PTGIS: variants seen among roughly 807,000 people sequenced by gnomAD.
PTGIS encodes prostacyclin synthase.
Under a neutral mutation model 50.3 loss-of-function variants are expected in PTGIS, and 45 were observed. The ratio of observed to expected loss-of-function variants is 0.90; its 90% CI spans 0.70 to 1.15. The LOEUF is 1.15. Ranked by LOEUF, PTGIS falls within the 50% of genes most tolerant of loss-of-function variation. The probability of loss-of-function intolerance (pLI) is 0.00; values close to 1 mark genes in which losing one functional copy is unlikely to be tolerated. For missense variants in PTGIS, 668 were observed against 661.3 expected (o/e 1.01, Z -0.11); for synonymous variants, 260 against 267.7 (o/e 0.97, Z 0.28).
At chr20:49,525,062 C>T (rs1315287773) in intron 5 of PTGIS, among the ~76,000 whole-genome samples, 2 of 152,228 alleles carry the variant, frequency 1.3e-5, no homozygotes, top group South Asian at 2.1e-4. Context: ...CCACTGTGAG[C>T]AGGCTCAGCA....
At chr20:49,539,514 C>G (rs1481678962) in intron 5 of PTGIS, 56 bp downstream of exon 5, 7 of 1,579,390 alleles carry the variant, frequency 4.4e-6, no homozygotes, top group Non-Finnish European at 6.0e-6. Flanking sequence ...AATTGGGCTC[C>G]CCCTCTGGGT....
chr20:49,556,054 T>C (rs79301028), intron 1 of PTGIS, among the ~76,000 whole-genome samples: 6,308 of 152,312 alleles, frequency 0.041, 423 homozygotes, highest in African/African-American at 0.14. Context: ...TTTTGTTTTG[T>C]TTTACAGAGT....
chr20:49,565,695 A>G (rs150022379), intron 1 of PTGIS, among the ~76,000 whole-genome samples: 1 of 152,202 alleles, frequency 6.6e-6, no homozygotes, highest in Non-Finnish European at 1.5e-5. Context: ...CTTACAGCCC[A>G]GAGTTTTAAT....
chr20:49,525,217 C>T (rs527750976), intron 5 of PTGIS, among the ~76,000 whole-genome samples: 76 of 152,350 alleles, frequency 5.0e-4, no homozygotes, highest in Non-Finnish European at 8.4e-4. Context: ...CACCAACCAG[C>T]CCTCGGCAGG....
At position 49,508,019 on chromosome 20, in the gene PTGIS, G is replaced by A. The variant is rs747591481; in HGVS notation, c.1404C>T (p.Asn468=). 1.2e-5 allele frequency: 19 copies of A among 1,613,874 alleles called. No individual in the cohort carries two copies. Among genetic ancestry groups the A allele is most frequent in the Middle Eastern group, 1.6e-4 (1 of 6,084 alleles). Residue 468 remains asparagine, a synonymous_variant, in exon 10 of 10, where the codon AAC becomes AAT. Coordinates refer to ENST00000244043, the MANE Select transcript of PTGIS (RefSeq NM_000961.4). ...CAAACTCAGGGATCTCCACATCTGC[G>A]TTGATCAGCTCCAAGTCCAAGTGCA... ...VLVHLDLELI[N]ADVEIPEFDL...
In PTGIS at chr20:49,536,734, C is replaced by T. The variant is rs558369493; in HGVS notation, c.673+2836G>A. Among the ~76,000 whole-genome samples, 66 of 152,240 alleles carry T rather than the reference C, an allele frequency of 4.3e-4. 1 individual carries two copies. The highest frequency in any genetic ancestry group is 7.2e-4 in the Non-Finnish European group (49 of 68,014). Reference sequence around the variant, plus strand: ...CTCACCTTAGGTGATCCACCCGTCACGGCCTCCCAAAGTGCTGGGATTACA... The same window carrying T: ...CTCACCTTAGGTGATCCACCCGTCATGGCCTCCCAAAGTGCTGGGATTACA... On this transcript the variant is annotated intron_variant, in intron 5 of 9. Coordinates refer to ENST00000244043, the MANE Select transcript of PTGIS (RefSeq NM_000961.4).
chr20:49,563,716 T>C (rs561542499), intron 1 of PTGIS, among the ~76,000 whole-genome samples: 1 of 152,318 alleles, frequency 6.6e-6, no homozygotes, highest in African/African-American at 2.4e-5. Context: ...GGTCAGTGCA[T>C]GTTAGAATGA....
intron 6 of PTGIS, among the ~76,000 whole-genome samples, chr20:49,516,520 T>C (rs1433652196): frequency 6.6e-6 from 1 of 152,204 alleles, no homozygotes. Flanking sequence ...TGATGTACAA[T>C]GTCATGAGAG....
At chr20:49,562,459 C>T (rs1199579564) in intron 1 of PTGIS, among the ~76,000 whole-genome samples, 3 of 152,232 alleles carry the variant, frequency 2.0e-5, no homozygotes, top group Non-Finnish European at 2.9e-5. Context: ...CAGCCTTGGG[C>T]CCTCAATCCA....
chr20:49,517,686 G>A (rs1376701923), intron 6 of PTGIS, among the ~76,000 whole-genome samples: 1 of 152,208 alleles, frequency 6.6e-6, no homozygotes, highest in African/African-American at 2.4e-5. Flanking sequence ...GGCACTGACT[G>A]CGGGCCAGAC....
At chr20:49,545,093 G>A (rs1601197329) in intron 3 of PTGIS, among the ~76,000 whole-genome samples, 1 of 152,128 alleles carries the variant, frequency 6.6e-6, no homozygotes, top group East Asian at 1.9e-4. Context: ...GCAACATAGT[G>A]AGACTCCATC....
chr20:49,564,039 G>C (rs886887924), intron 1 of PTGIS, among the ~76,000 whole-genome samples: 2 of 152,120 alleles, frequency 1.3e-5, no homozygotes, highest in Admixed American at 6.6e-5. Flanking sequence ...AGTTTCAAGG[G>C]GCCCACAAGC....
chr20:49,541,923 T>A (rs1449296718), intron 4 of PTGIS, among the ~76,000 whole-genome samples: 2 of 150,974 alleles, frequency 1.3e-5, no homozygotes, highest in Non-Finnish European at 3.0e-5. Flanking sequence ...CAAAGAAAAA[T>A]AAAGCTGAAC....
At chr20:49,566,570 A>C (rs920810447) in intron 1 of PTGIS, among the ~76,000 whole-genome samples, 2 of 152,382 alleles carry the variant, frequency 1.3e-5, no homozygotes, top group African/African-American at 4.8e-5. Context: ...GAAGAAAAAT[A>C]CAGTGAGCTT....
intron 1 of PTGIS, among the ~76,000 whole-genome samples, chr20:49,557,268 A>G (rs565205303): frequency 6.2e-4 from 95 of 152,252 alleles, no homozygotes; most frequent in African/African-American, 2.2e-3. Flanking sequence ...ATTTTCTTCT[A>G]AAATGCTTTC....
chr20:49,522,465 A>G (rs548479493), intron 6 of PTGIS, among the ~76,000 whole-genome samples: 9 of 151,660 alleles, frequency 5.9e-5, no homozygotes, highest in African/African-American at 1.9e-4. Flanking sequence ...TCGACACAAC[A>G]CAGAATCTTT....
chr20:49,510,913 T>C, intron 9 of PTGIS, 115 bp downstream of exon 9: 2 of 976,606 alleles, frequency 2.0e-6, no homozygotes, highest in South Asian at 1.4e-5. Context: ...GGGCTGTCCA[T>C]GTGAAGCCTC....
rs1433176711 is a variant in PTGIS at position 49,507,739 on chromosome 20, T to C, written c.*181A>G. On this transcript the variant is annotated 3_prime_UTR_variant, in exon 10 of 10. Coordinates refer to ENST00000244043, the MANE Select transcript of PTGIS (RefSeq NM_000961.4). The stretch of plus-strand genomic sequence containing the variant: ...ATAATCCATAGAGCTTTCAATGTCT[T>C]TTCTTTGTTCACCCTCTTAGCTTTT... 1 of 824,852 alleles carries C rather than the reference T, an allele frequency of 1.2e-6. No homozygotes were observed. Among genetic ancestry groups the C allele is most frequent in the East Asian group, 2.7e-5 (1 of 37,512 alleles). The allele number at this position is 824,852 out of a possible 1,614,324, so 51.1% of individuals were successfully genotyped here. A position where few individuals can be genotyped will look rare whatever the true frequency, so the allele number is the denominator to read the frequency against.
At chr20:49,530,642 T>C (rs569365227) in intron 5 of PTGIS, among the ~76,000 whole-genome samples, 31 of 152,352 alleles carry the variant, frequency 2.0e-4, no homozygotes, top group African/African-American at 7.2e-4. Flanking sequence ...GTGATTTTGA[T>C]TTGCATTTCC....
Sources: gnomAD v4.1 joint callset for allele counts (sites outside exome capture counted in the v4.1 genomes callset) on GRCh38, gnomAD v4.1.1 for gene constraint, MANE v1.5 for transcripts, NCBI Gene and HGNC (gene_info 2026-07-23, HGNC 2026-07-21) for gene names.